Variants in SCIN observed in about 807,000 individuals in gnomAD.
SCIN encodes the protein adseverin.
Under a neutral mutation model 91.8 loss-of-function variants are expected in SCIN, and 91 were observed. The ratio of observed to expected loss-of-function variants is 0.99; its 90% CI spans 0.84 to 1.18. The LOEUF (loss-of-function observed/expected upper bound fraction) is 1.18, where lower values mean the gene tolerates loss of function less well. Among genes scored for constraint, SCIN ranks in the 50% most tolerant of loss-of-function variants. The probability of loss-of-function intolerance (pLI) is 0.00; values close to 1 mark genes in which losing one functional copy is unlikely to be tolerated. For missense variants in SCIN, 1,087 were observed against 863.9 expected, an observed-to-expected ratio of 1.26 and a Z score of -3.24; for synonymous variants, 367 against 312.6, an observed-to-expected ratio of 1.17 and a Z score of -1.84.
At chr7:12,628,040 T>C (rs956867472) in intron 8 of SCIN, among the ~76,000 whole-genome samples, 1,861 of 139,314 alleles carry the variant, frequency 0.013, 24 homozygotes, top group African/African-American at 0.04. Flanking sequence ...CGCGTGTGTG[T>C]GTGTGTGTGT....
In SCIN at chr7:12,604,673, C is replaced by G. The variant is rs1395503390; in HGVS notation, c.666+10C>G. On this transcript the variant is annotated intron_variant, in intron 4 of 15. Transcript: ENST00000297029. The stretch of plus-strand genomic sequence containing the variant: ...CTCAGAACTTATAAAGGTATTGTGA[C>G]TCCTGTTGTTTGTTAAAGGGTTACC... 6.4e-7 allele frequency: 1 copy of G among 1,550,556 alleles called. No homozygotes were observed. The highest frequency in any genetic ancestry group is 8.7e-7 in the Non-Finnish European group (1 of 1,146,280).
At chr7:12,641,544 C>G (rs1783859802) in intron 11 of SCIN, among the ~76,000 whole-genome samples, 1 of 152,136 alleles carries the variant, frequency 6.6e-6, no homozygotes, top group African/African-American at 2.4e-5. Context: ...CAGCCATTAT[C>G]TCACTATTTC....
intron 1 of SCIN, among the ~76,000 whole-genome samples, chr7:12,574,520 GCACA>G (rs1583269751): frequency 6.6e-6 from 1 of 152,002 alleles, no homozygotes; most frequent in Non-Finnish European, 1.5e-5. Flanking sequence ...AGAACTAAAT[GCACA>G]CACACACGAG....
At chr7:12,630,811 A>G (rs901417922) in intron 9 of SCIN, among the ~76,000 whole-genome samples, 8 of 152,204 alleles carry the variant, frequency 5.3e-5, no homozygotes, top group Non-Finnish European at 1.0e-4. Context: ...ATCTTAATCT[A>G]TTGGTCTCTT....
At chr7:12,649,392 C>T in intron 13 of SCIN, 75 bp from the exon 14 acceptor site, 1 of 816,532 alleles carries the variant, frequency 1.2e-6, no homozygotes, top group Non-Finnish European at 1.8e-6. Context: ...AAAAAAAATA[C>T]AGGGCATTTC....
rs1207188698 is a variant in SCIN at position 12,655,088 on chromosome 7, A to G, written c.*2373A>G. On this transcript the variant is annotated 3_prime_UTR_variant, in exon 16 of 16. Coordinates refer to ENST00000297029, the MANE Select transcript of SCIN (RefSeq NM_001112706.3). ...TCAAGTCCCTTATATAAAACGGCAT[A>G]GTATTTGCATAAAACCTATACCATT... 1 of 152,240 alleles carries G rather than the reference A, an allele frequency of 6.6e-6. No homozygotes were observed. Among genetic ancestry groups the G allele is most frequent in the Non-Finnish European group, 1.5e-5 (1 of 68,028 alleles). 9.4% of individuals were successfully genotyped at this position (152,240 alleles called of 1,614,324 possible).
Position 12,649,519 on chromosome 7 carries a change from T to G in SCIN, c.1934T>G (p.Val645Gly), listed in dbSNP as rs1365637459. The change falls in exon 14 of 16, where the codon GTC becomes GGC. Residue 645 changes from valine to glycine, a missense_variant. By Grantham distance (109) the Val-to-Gly change is moderately radical. Transcript: ENST00000297029. ...FTQDDLAEDD[V>G]MLLDAWEQIF... ...CAGGATGATTTAGCTGAAGATGATGTCATGTTACTAGATGCTTGGGAACAG... is the reference window on the plus strand; with the variant it reads ...CAGGATGATTTAGCTGAAGATGATGGCATGTTACTAGATGCTTGGGAACAG... The G allele has an allele frequency of 6.2e-7, 1 of 1,602,418 alleles. No homozygotes were observed. The highest frequency in any genetic ancestry group is 8.5e-7 in the Non-Finnish European group (1 of 1,173,900).
chr7:12,638,236 A>AGTACTTT (rs1783791727), intron 10 of SCIN, among the ~76,000 whole-genome samples: 1 of 152,052 alleles, frequency 6.6e-6, no homozygotes, highest in South Asian at 2.1e-4. Context: ...TCTGTGAGAG[A>AGTACTTT]GTACTTTCTT....
intron 4 of SCIN, among the ~76,000 whole-genome samples, chr7:12,613,526 A>G (rs1783238897): frequency 6.6e-6 from 1 of 152,130 alleles, no homozygotes; most frequent in African/African-American, 2.4e-5. Context: ...ATCATGAGGA[A>G]ATATGCTCAC....
At position 12,655,829 on chromosome 7, in the gene SCIN, T is replaced by C. The variant is rs1225410101; in HGVS notation, c.*3114T>C. The C allele has an allele frequency of 1.3e-5, 2 of 152,186 alleles. No individual in the cohort carries two copies. The highest frequency in any genetic ancestry group is 2.9e-5 in the Non-Finnish European group (2 of 68,036). The allele number at this position is 152,186 out of a possible 1,614,324, so 9.4% of individuals were successfully genotyped here. A position where few individuals can be genotyped will look rare whatever the true frequency, so the allele number is the denominator to read the frequency against. Reference sequence around the variant, plus strand: ...CCTAGCAAGTTAATATGCTTGTGTCTCTTCAAACCAATATATTGGCATATT... The same window carrying C: ...CCTAGCAAGTTAATATGCTTGTGTCCCTTCAAACCAATATATTGGCATATT... On this transcript the variant is annotated 3_prime_UTR_variant, in exon 16 of 16. Transcript: ENST00000297029.
chr7:12,574,194 A>G (rs1782323962), intron 1 of SCIN, among the ~76,000 whole-genome samples: 1 of 152,184 alleles, frequency 6.6e-6, no homozygotes, highest in Admixed American at 6.5e-5. Flanking sequence ...ATCTGTACCA[A>G]CTAATACTAC....
At chr7:12,632,527 A>G (rs552175867) in intron 9 of SCIN, among the ~76,000 whole-genome samples, 2 of 152,300 alleles carry the variant, frequency 1.3e-5, no homozygotes, top group South Asian at 2.1e-4. Context: ...ATGTGTTGCA[A>G]TAATCCAGCT....
At chr7:12,635,092 C>T (rs967470301) in intron 9 of SCIN, among the ~76,000 whole-genome samples, 4 of 151,168 alleles carry the variant, frequency 2.6e-5, no homozygotes, top group African/African-American at 9.7e-5. Context: ...ATTGCTTGAA[C>T]CTGGGAGGTG....
intron 3 of SCIN, among the ~76,000 whole-genome samples, chr7:12,586,785 A>G (rs906058810): frequency 6.6e-6 from 1 of 152,234 alleles, no homozygotes; most frequent in Non-Finnish European, 1.5e-5. Flanking sequence ...ACCAACGTGG[A>G]TGAATCTGGA....
At position 12,604,608 on chromosome 7, in the gene SCIN, G is replaced by A. The variant is rs1783033138; in HGVS notation, c.611G>A (p.Gly204Glu). The A allele has an allele frequency of 1.9e-6, 3 of 1,552,088 alleles. No homozygotes were observed. In the African/African-American group the frequency reaches 4.1e-5, roughly 21 times the overall value. The change falls in exon 4 of 16, where the codon GGA (glycine) becomes GAA (glutamate). Residue 204 changes from glycine (G) to glutamate (E), a missense_variant. Gly to Glu is a moderately conservative substitution (Grantham distance 98, BLOSUM62 -2). Coordinates refer to ENST00000297029, the MANE Select transcript of SCIN (RefSeq NM_001112706.3). ...ATGIRYNERK[G>E]RSELIVVEEG... Reference sequence around the variant, plus strand: ...GGCATTCGGTACAATGAAAGGAAAGGAAGGTCTGAACTAATTGTCGTGGAA... The same window carrying A: ...GGCATTCGGTACAATGAAAGGAAAGAAAGGTCTGAACTAATTGTCGTGGAA...
chr7:12,625,052 GAAGAA>G lies in SCIN; in HGVS notation c.805_809del (p.Glu269ProfsTer10). ...CTCCATGAGAGTGACTGTGGTGGCA[GAAGAA>G]AACCCCTTCTCAATGGCAATGCTGC... On this transcript the variant is annotated frameshift_variant, in exon 6 of 16. Transcript: ENST00000297029. LOFTEE classifies it high-confidence loss of function. The G allele has an allele frequency of 6.3e-7, 1 of 1,583,538 alleles. No homozygotes were observed. The highest frequency in any genetic ancestry group is 8.6e-7 in the Non-Finnish European group (1 of 1,163,394).
rs114138970 is a variant in SCIN at position 12,646,382 on chromosome 7, G to A, written c.1881+1677G>A. On this transcript the variant is annotated intron_variant, in intron 13 of 15. Coordinates refer to ENST00000297029, the MANE Select transcript of SCIN (RefSeq NM_001112706.3). The stretch of plus-strand genomic sequence containing the variant: ...ATGGCCAAGAGAGCAAGCTCTAGTC[G>A]TGTTCTTTCCTTATAAAGACAGACA... Among the ~76,000 whole-genome samples, 1,373 of 152,180 alleles carry A rather than the reference G, an allele frequency of 9.0e-3. 22 individuals are homozygous for A. The highest frequency in any genetic ancestry group is 0.031 in the African/African-American group (1,276 of 41,532).
chr7:12,644,171 G>A lies in SCIN; in HGVS notation c.1615G>A (p.Asp539Asn), dbSNP rs769444930. Reference sequence around the variant, plus strand: ...TGATGCAAATTCACTGAATTCTAACGATGTTTTTGTCCTGAAACTGCCACA... The same window carrying A: ...TGATGCAAATTCACTGAATTCTAACAATGTTTTTGTCCTGAAACTGCCACA... ...DVDANSLNSNDVFVLKLPQNS... is the reference protein window; with the variant it reads ...DVDANSLNSNNVFVLKLPQNS... Residue 539 changes from aspartate (D) to asparagine (N), a missense_variant, in exon 12 of 16, where the codon GAT becomes AAT. Physicochemically the swap from Asp to Asn is conservative, Grantham distance 23 (BLOSUM62 1). Coordinates refer to ENST00000297029, the MANE Select transcript of SCIN (RefSeq NM_001112706.3). 2.3e-5 allele frequency: 37 copies of A among 1,612,822 alleles called. No homozygotes were observed. Among genetic ancestry groups the A allele is most frequent in the East Asian group, 4.5e-5 (2 of 44,834 alleles).
intron 8 of SCIN, among the ~76,000 whole-genome samples, chr7:12,628,756 TA>T (rs113503075): frequency 4.7e-4 from 72 of 152,214 alleles, no homozygotes; most frequent in African/African-American, 1.6e-3. Flanking sequence ...AGAAAAAAAT[TA>T]ACTATAAAAT....
Sources: allele counts gnomAD v4.1 joint callset (sites outside exome capture counted in the v4.1 genomes callset), GRCh38; gene constraint gnomAD v4.1.1; transcripts MANE v1.5; gene names NCBI Gene and HGNC (gene_info 2026-07-23, HGNC 2026-07-21).